PCDH15: variants seen among roughly 807,000 people sequenced by gnomAD.
PCDH15 encodes protocadherin-15.
Under a neutral mutation model 178.5 loss-of-function variants are expected in PCDH15, and 129 were observed. The observed-to-expected ratio is 0.72, with a 90% confidence interval of 0.63 to 0.84. The LOEUF (loss-of-function observed/expected upper bound fraction) is 0.84. PCDH15 is among the 40% of genes least tolerant of loss of function. PCDH15 has a pLI of 0.00. For synonymous variants in PCDH15, 800 were observed against 732.0 expected (o/e 1.09, Z -1.50); for missense variants, 2,230 against 2,099.9 (o/e 1.06, Z -1.21).
At chr10:55,514,264 A>T (rs1840956034) in intron 2 of PCDH15, among the ~76,000 whole-genome samples, 1 of 152,156 alleles carries the variant, frequency 6.6e-6, no homozygotes, top group South Asian at 2.1e-4. Flanking sequence ...TGAAGCGTGC[A>T]TTTTTGGAAA....
At chr10:54,371,714 C>A (rs1049989517) in intron 4 of PCDH15, among the ~76,000 whole-genome samples, 1 of 144,656 alleles carries the variant, frequency 6.9e-6, no homozygotes, top group African/African-American at 2.4e-5. Context: ...TAAAAAATAA[C>A]AAATAGAGCA....
At chr10:55,325,614 C>A (rs1438226282) in intron 2 of PCDH15, among the ~76,000 whole-genome samples, 4 of 151,966 alleles carry the variant, frequency 2.6e-5, no homozygotes, top group Non-Finnish European at 5.9e-5. Flanking sequence ...CTATAAACAT[C>A]CTGGATGATA....
At chr10:54,379,333 G>GA (rs1201447824) in intron 3 of PCDH15, among the ~76,000 whole-genome samples, 1 of 151,926 alleles carries the variant, frequency 6.6e-6, no homozygotes, top group Non-Finnish European at 1.5e-5. Flanking sequence ...CCTCTGATGT[G>GA]AAAAAAAGAT....
At chr10:54,752,930 C>T (rs1485332213) in intron 1 of PCDH15, among the ~76,000 whole-genome samples, 2 of 152,030 alleles carry the variant, frequency 1.3e-5, no homozygotes, top group Non-Finnish European at 2.9e-5. Flanking sequence ...AAATAATTAC[C>T]AACAGACACA....
chr10:54,553,199 T>C (rs2086807046), intron 2 of PCDH15, among the ~76,000 whole-genome samples: 1 of 152,120 alleles, frequency 6.6e-6, no homozygotes, highest in African/African-American at 2.4e-5. Flanking sequence ...GATTATCTGG[T>C]GATATATTGA....
intron 8 of PCDH15, among the ~76,000 whole-genome samples, chr10:54,282,521 T>C (rs969265454): frequency 1.3e-5 from 2 of 152,118 alleles, no homozygotes; most frequent in African/African-American, 4.8e-5. Flanking sequence ...TGCTTAGGTA[T>C]TATTCAAATG....
intron 18 of PCDH15, among the ~76,000 whole-genome samples, chr10:54,043,224 A>G (rs1310757219): frequency 2.0e-5 from 3 of 152,150 alleles, no homozygotes; most frequent in Non-Finnish European, 4.4e-5. Flanking sequence ...GTGTTGAAAA[A>G]GAATAAATGA....
At chr10:55,241,399 T>C (rs1366767522) in intron 1 of PCDH15, among the ~76,000 whole-genome samples, 1 of 152,142 alleles carries the variant, frequency 6.6e-6, no homozygotes, top group Non-Finnish European at 1.5e-5. Flanking sequence ...TAGATTTCCC[T>C]CTCATTTTGA....
chr10:55,132,942 G>C (rs1278725661), intron 2 of PCDH15, among the ~76,000 whole-genome samples: 2 of 152,098 alleles, frequency 1.3e-5, no homozygotes, highest in African/African-American at 4.8e-5. Flanking sequence ...TGGTTACTTG[G>C]TTTTAAGCCA....
At chr10:54,902,803 A>G (rs773800504) in intron 2 of PCDH15, among the ~76,000 whole-genome samples, 2 of 152,036 alleles carry the variant, frequency 1.3e-5, no homozygotes, top group African/African-American at 4.8e-5. Context: ...GCATCTTCTC[A>G]TTAGCTATTT....
chr10:55,289,376 A>G (rs1189041537), intron 1 of PCDH15, among the ~76,000 whole-genome samples: 1 of 151,910 alleles, frequency 6.6e-6, no homozygotes, highest in Non-Finnish European at 1.5e-5. Flanking sequence ...GGGAAAAAAG[A>G]AAGAAAGAAG....
intron 3 of PCDH15, among the ~76,000 whole-genome samples, chr10:54,836,698 ATCAAT>A (rs1953322968): frequency 6.6e-6 from 1 of 152,128 alleles, no homozygotes; most frequent in Non-Finnish European, 1.5e-5. Flanking sequence ...AATAAACTAA[ATCAAT>A]TCAAAAAAGA....
intron 2 of PCDH15, among the ~76,000 whole-genome samples, chr10:55,569,439 C>T (rs1842364957): frequency 6.6e-6 from 1 of 151,592 alleles, no homozygotes; most frequent in Non-Finnish European, 1.5e-5. Flanking sequence ...CAACAAAGGG[C>T]AAAAAGTGTT....
chr10:54,079,259 G>T, intron 17 of PCDH15, 72 bp downstream of exon 17: 1 of 1,352,436 alleles, frequency 7.4e-7, no homozygotes, highest in Non-Finnish European at 1.1e-6. Flanking sequence ...TCATGTCTGT[G>T]ATACATTGTT....
intron 28 of PCDH15, 44 bp downstream of exon 28, chr10:53,857,131 A>G: frequency 7.5e-7 from 1 of 1,326,422 alleles, no homozygotes; most frequent in Non-Finnish European, 1.1e-6. Flanking sequence ...GTTAAAAATC[A>G]TGGTCATATA....
At chr10:54,146,993 GTA>G (rs561375208) in intron 14 of PCDH15, among the ~76,000 whole-genome samples, 5 of 138,024 alleles carry the variant, frequency 3.6e-5, no homozygotes, top group African/African-American at 1.1e-4. Flanking sequence ...TATATATAAT[GTA>G]TATATATAGT....
chr10:54,706,643 A>G (rs1056577991), intron 1 of PCDH15, among the ~76,000 whole-genome samples: 6 of 152,188 alleles, frequency 3.9e-5, no homozygotes, highest in African/African-American at 1.4e-4. Context: ...TATTTTTTCA[A>G]TACGGTGTCT....
At chr10:53,992,614 C>A (rs1348843260) in intron 21 of PCDH15, among the ~76,000 whole-genome samples, 1 of 152,122 alleles carries the variant, frequency 6.6e-6, no homozygotes, top group Non-Finnish European at 1.5e-5. Flanking sequence ...CTCATAAATG[C>A]AGTTTCAAAA....
At chr10:54,084,329 C>T (rs894310764) in intron 16 of PCDH15, among the ~76,000 whole-genome samples, 2 of 151,344 alleles carry the variant, frequency 1.3e-5, no homozygotes, top group Non-Finnish European at 2.9e-5. Context: ...AAAAATTAGC[C>T]GGGTGTGGTG....
Sources: gnomAD v4.1 joint callset for allele counts (sites outside exome capture counted in the v4.1 genomes callset) on GRCh38, gnomAD v4.1.1 for gene constraint, MANE v1.5 for transcripts, NCBI Gene and HGNC (gene_info 2026-07-23, HGNC 2026-07-21) for gene names.